The following C10orf143 variants were observed in gnomAD, a reference collection of about 807,000 sequenced individuals.
C10orf143 encodes uncharacterized protein C10orf143.
chr10:130,036,796 G>A (rs1297576696), intron 3 of C10orf143, among the ~76,000 whole-genome samples: 5 of 152,170 alleles, frequency 3.3e-5, no homozygotes, highest in African/African-American at 1.2e-4. Flanking sequence ...GACGCTGGGT[G>A]CTGGGCGCAA....
At chr10:130,096,490 A>G (rs1332989403) in intron 1 of C10orf143, among the ~76,000 whole-genome samples, 1 of 149,974 alleles carries the variant, frequency 6.7e-6, no homozygotes, top group South Asian at 2.1e-4. Context: ...ACACATGCAC[A>G]TGTATGTTTA....
rs914268128 is a variant in C10orf143 at position 130,101,859 on chromosome 10, A to C, written c.69+8845T>G. 5.4e-4 allele frequency among the ~76,000 whole-genome samples: 26 copies of C among 48,062 alleles called. 1 individual carries two copies. The highest frequency in any genetic ancestry group is 1.9e-3 in the South Asian group (2 of 1,066). The allele number at this position is 48,062 out of a possible 152,430, so 31.5% of individuals were successfully genotyped here. The stretch of plus-strand genomic sequence containing the variant: ...AGGGAGACTCTGTCTCAAAAAAAAA[A>C]AAAACCAAAAAAAAAAAAAAAAAAA... On this transcript the variant is annotated intron_variant, in intron 1 of 3. Transcript: ENST00000637128.
At chr10:130,061,876 C>T (rs542218790), downstream of C10orf143, among the ~76,000 whole-genome samples, 25 of 151,742 alleles carry the variant, frequency 1.6e-4, no homozygotes, top group South Asian at 4.0e-3. Flanking sequence ...CAGCAGGAGG[C>T]GGGTTGGGCT....
At chr10:130,102,813 C>T (rs181713319) in intron 1 of C10orf143, among the ~76,000 whole-genome samples, 137 of 152,146 alleles carry the variant, frequency 9.0e-4, no homozygotes, top group African/African-American at 3.0e-3. Flanking sequence ...CTTTTATATC[C>T]ATGGTAATAT....
chr10:130,052,138 C>A (rs1860744200), intron 3 of C10orf143, among the ~76,000 whole-genome samples: 2 of 146,796 alleles, frequency 1.4e-5, no homozygotes, highest in Non-Finnish European at 3.0e-5. Context: ...ATCTCCCTCT[C>A]CCGCCCCCAC....
rs558440538 is a variant in C10orf143, at chr10:130,091,676, T to A, written c.70-11775A>T. ...AGGAAGCTAAGAACCTTGAAAAAAG[T>A]TAGATGAATTGCTAACTAGAATAAC... On this transcript the variant is annotated intron_variant, in intron 1 of 3. Coordinates refer to ENST00000637128, the MANE Select transcript of C10orf143 (RefSeq NM_001355042.2). 1.5e-3 allele frequency among the ~76,000 whole-genome samples: 224 copies of A among 152,236 alleles called. 1 individual carries two copies. The highest frequency in any genetic ancestry group is 6.8e-3 in the Middle Eastern group (2 of 294).
At chr10:130,105,726 G>A (rs1032694678) in intron 1 of C10orf143, among the ~76,000 whole-genome samples, 1 of 151,802 alleles carries the variant, frequency 6.6e-6, no homozygotes, top group African/African-American at 2.4e-5. Flanking sequence ...GTGAGACTCC[G>A]TTCCCCTCCC....
chr10:130,101,872 A>C (rs1861560618), intron 1 of C10orf143, among the ~76,000 whole-genome samples: 1 of 139,886 alleles, frequency 7.1e-6, no homozygotes, highest in Non-Finnish European at 1.5e-5. Flanking sequence ...AACCAAAAAA[A>C]AAAAAAAAAA....
At chr10:130,096,247 T>A (rs113115208) in intron 1 of C10orf143, among the ~76,000 whole-genome samples, 9,436 of 152,024 alleles carry the variant, frequency 0.062, 338 homozygotes, top group South Asian at 0.11. Context: ...TGAGATACCA[T>A]CTCACGCCAG....
chr10:130,090,860 C>T (rs917892108), intron 1 of C10orf143, among the ~76,000 whole-genome samples: 3 of 152,194 alleles, frequency 2.0e-5, no homozygotes, highest in African/African-American at 7.2e-5. Flanking sequence ...GCCAGACTGC[C>T]TCTCTAGATT....
At chr10:130,107,691 C>T in intron 1 of C10orf143, 4 of 1,279,472 alleles carry the variant, frequency 3.1e-6, no homozygotes, top group Non-Finnish European at 3.4e-6. Context: ...TCACCTTTGC[C>T]TCCAGGGGGG....
At chr10:130,042,110 A>T (rs966619487) in intron 3 of C10orf143, among the ~76,000 whole-genome samples, 1 of 152,232 alleles carries the variant, frequency 6.6e-6, no homozygotes, top group African/African-American at 2.4e-5. Flanking sequence ...TCATGTGCAC[A>T]CCCATACATA....
At chr10:130,036,253 G>A (rs1462507086) in intron 3 of C10orf143, among the ~76,000 whole-genome samples, 1 of 152,178 alleles carries the variant, frequency 6.6e-6, no homozygotes, top group Non-Finnish European at 1.5e-5. Flanking sequence ...ACAGCTGGGT[G>A]CCCACTTCCC....
chr10:130,038,725 G>A (rs111456126), intron 3 of C10orf143, among the ~76,000 whole-genome samples: 3,683 of 152,278 alleles, frequency 0.024, 63 homozygotes, highest in Non-Finnish European at 0.041. Flanking sequence ...CCTGGCTAAT[G>A]AACCTGGGAC....
intron 1 of C10orf143, among the ~76,000 whole-genome samples, chr10:130,095,382 G>C: frequency 6.6e-6 from 1 of 152,190 alleles, no homozygotes; most frequent in East Asian, 1.9e-4. Flanking sequence ...GTAATTTATA[G>C]ATTCAAAGCT....
chr10:130,039,766 T>A (rs2134721113), intron 3 of C10orf143, among the ~76,000 whole-genome samples: 1 of 152,192 alleles, frequency 6.6e-6, no homozygotes, highest in South Asian at 2.1e-4. Context: ...CTAGGAAGGC[T>A]CCCGACGTCT....
chr10:130,093,078 T>C (rs528710242), intron 1 of C10orf143, among the ~76,000 whole-genome samples: 1 of 152,274 alleles, frequency 6.6e-6, no homozygotes, highest in African/African-American at 2.4e-5. Flanking sequence ...CTAATAGACA[T>C]CTATAGAACT....
intron 3 of C10orf143, among the ~76,000 whole-genome samples, chr10:130,078,782 C>T (rs1861159978): frequency 6.6e-6 from 1 of 152,072 alleles, no homozygotes; most frequent in Non-Finnish European, 1.5e-5. Flanking sequence ...TTTATTGACT[C>T]AATCTTTTGC....
downstream of C10orf143, among the ~76,000 whole-genome samples, chr10:130,061,302 A>T (rs1035035540): frequency 1.8e-4 from 28 of 152,268 alleles, no homozygotes; most frequent in Non-Finnish European, 2.6e-4. Context: ...ATAATTAAAA[A>T]TTTTTTTCTT....
Sources: allele counts gnomAD v4.1 joint callset (sites outside exome capture counted in the v4.1 genomes callset), GRCh38; gene constraint gnomAD v4.1.1; transcripts MANE v1.5; gene names NCBI Gene and HGNC (gene_info 2026-07-23, HGNC 2026-07-21).